Variants in RBFOX1 observed in about 807,000 individuals in gnomAD.
The protein encoded by RBFOX1 is RNA binding protein fox-1 homolog 1.
A neutral mutation model predicts 57.7 loss-of-function variants in RBFOX1; 8 were observed. That is an observed-to-expected ratio of 0.14 (90% CI 0.08 to 0.25). RBFOX1 has a LOEUF of 0.25. RBFOX1 is among the 10% of genes least tolerant of loss of function. The probability of loss-of-function intolerance (pLI) is 1.00; values close to 1 mark genes in which losing one functional copy is unlikely to be tolerated. For missense variants in RBFOX1, 611 were observed against 548.5 expected (o/e 1.11, Z -1.14); for synonymous variants, 326 against 222.4 (o/e 1.47, Z -4.15).
At chr16:7,174,435 T>C (rs141679052) in intron 4 of RBFOX1, among the ~76,000 whole-genome samples, 9 of 152,256 alleles carry the variant, frequency 5.9e-5, no homozygotes, top group African/African-American at 2.2e-4. Flanking sequence ...TGGGTAGATA[T>C]TTAGGAGTGG....
chr16:7,493,390 C>T (rs78016282), intron 4 of RBFOX1, among the ~76,000 whole-genome samples: 197 of 152,288 alleles, frequency 1.3e-3, no homozygotes, highest in African/African-American at 4.5e-3. Flanking sequence ...GACTCAGTAA[C>T]GCCCACAAAT....
intron 2 of RBFOX1, among the ~76,000 whole-genome samples, chr16:6,613,618 C>T (rs7202113): frequency 0.032 from 4,800 of 151,988 alleles, 256 homozygotes; most frequent in African/African-American, 0.11. Context: ...TGAAGATGCC[C>T]ATGTTTTATT....
intron 10 of RBFOX1, among the ~76,000 whole-genome samples, chr16:7,621,966 A>T (rs2059383357): frequency 6.6e-6 from 1 of 152,214 alleles, no homozygotes; most frequent in Non-Finnish European, 1.5e-5. Context: ...TACTTATTAG[A>T]TACTGAAACT....
At chr16:7,701,424 C>CTACTGTA (rs1393764484) in intron 14 of RBFOX1, among the ~76,000 whole-genome samples, 1 of 152,162 alleles carries the variant, frequency 6.6e-6, no homozygotes, top group Non-Finnish European at 1.5e-5. Context: ...AGCACCAACC[C>CTACTGTA]TACTGTAAAC....
chr16:7,551,690 G>A (rs73484502), intron 5 of RBFOX1, among the ~76,000 whole-genome samples: 3 of 152,314 alleles, frequency 2.0e-5, no homozygotes, highest in African/African-American at 7.2e-5. Flanking sequence ...CATGCAGGAA[G>A]CTGCTGGAAT....
intron 4 of RBFOX1, among the ~76,000 whole-genome samples, chr16:7,076,042 T>A (rs1359214951): frequency 1.3e-5 from 2 of 150,812 alleles, no homozygotes; most frequent in African/African-American, 2.5e-5. Context: ...TTGGGCTTTT[T>A]TTTTTTTTCT....
intron 2 of RBFOX1, among the ~76,000 whole-genome samples, chr16:6,487,163 T>C (rs1276614786): frequency 6.6e-6 from 1 of 151,792 alleles, no homozygotes; most frequent in Non-Finnish European, 1.5e-5. Flanking sequence ...TGTGTGTGTG[T>C]GTGTGTGTGT....
rs533447710 is a variant in RBFOX1, at chr16:6,969,859, C to T, written c.-15-82198C>T. On this transcript the variant is annotated intron_variant, in intron 3 of 15. Coordinates refer to ENST00000550418, the MANE Select transcript of RBFOX1 (RefSeq NM_018723.4). ...TTCTGAGTGTCAGCCATGTGTGAAC[C>T]ATTGTACTAATTGATGGGTATGCAA... Among the ~76,000 whole-genome samples the T allele has an allele frequency of 2.6e-5, 4 of 152,264 alleles. No homozygotes were observed. The South Asian group carries it at 6.2e-4, about 24-fold the overall frequency.
intron 3 of RBFOX1, among the ~76,000 whole-genome samples, chr16:5,863,228 C>A (rs183985990): frequency 6.6e-6 from 1 of 152,114 alleles, no homozygotes; most frequent in Non-Finnish European, 1.5e-5. Context: ...GCAGAGAAAC[C>A]GAAGGAGAGG....
At chr16:6,074,347 C>T (rs2095871345) in intron 1 of RBFOX1, among the ~76,000 whole-genome samples, 2 of 152,094 alleles carry the variant, frequency 1.3e-5, no homozygotes, top group Non-Finnish European at 2.9e-5. Context: ...AATTCCAGCA[C>T]AAACATTTCA....
At chr16:7,226,987 C>T (rs2093165227) in intron 4 of RBFOX1, among the ~76,000 whole-genome samples, 1 of 152,158 alleles carries the variant, frequency 6.6e-6, no homozygotes, top group South Asian at 2.1e-4. Flanking sequence ...TTGTCTTCAT[C>T]TCTCCAGGAT....
chr16:7,368,215 C>G (rs2097498601), intron 4 of RBFOX1, among the ~76,000 whole-genome samples: 1 of 148,134 alleles, frequency 6.8e-6, no homozygotes, highest in South Asian at 2.2e-4. Flanking sequence ...TGCAATAAGC[C>G]AAGATCCTGC....
chr16:5,834,606 A>ATATG (rs2151833823), intron 3 of RBFOX1, among the ~76,000 whole-genome samples: 1 of 143,732 alleles, frequency 7.0e-6, no homozygotes, highest in South Asian at 2.1e-4. Flanking sequence ...AGATAGATAG[A>ATATG]TAGATAGATA....
intron 4 of RBFOX1, among the ~76,000 whole-genome samples, chr16:7,396,117 G>C (rs2098134811): frequency 2.0e-5 from 3 of 152,168 alleles, no homozygotes; most frequent in South Asian, 2.1e-4. Context: ...GGGGATTGAG[G>C]GCTGTTCTTT....
Position 5,908,260 on chromosome 16 carries a change from A to G in RBFOX1, c.351+40925A>G, listed in dbSNP as rs536762159. On this transcript the variant is annotated intron_variant, in intron 4 of 19. Transcript: ENST00000641259. ...TATACATATACATACACACACATAT[A>G]TACACATATATATACATACATATAT... 8.7e-5 allele frequency among the ~76,000 whole-genome samples: 13 copies of G among 149,264 alleles called. No homozygotes were observed. The South Asian group carries it at 2.7e-3, about 31-fold the overall frequency.
chr16:6,581,919 T>G (rs1319936668), intron 2 of RBFOX1, among the ~76,000 whole-genome samples: 4 of 152,240 alleles, frequency 2.6e-5, no homozygotes, highest in African/African-American at 9.6e-5. Flanking sequence ...GGCATTCATA[T>G]AAACCAATCG....
chr16:7,316,384 C>G (rs1205400623), intron 4 of RBFOX1, among the ~76,000 whole-genome samples: 4 of 152,204 alleles, frequency 2.6e-5, no homozygotes, highest in African/African-American at 9.6e-5. Context: ...CTGGTCATCT[C>G]TTGCAAGGCA....
At chr16:7,280,680 G>C (rs2141137044) in intron 4 of RBFOX1, among the ~76,000 whole-genome samples, 1 of 152,222 alleles carries the variant, frequency 6.6e-6, no homozygotes, top group Middle Eastern at 3.4e-3. Flanking sequence ...TTCTCAAGAG[G>C]GGCCCTGCTG....
At chr16:7,510,339 T>A in intron 4 of RBFOX1, 1 of 985,652 alleles carries the variant, frequency 1.0e-6, no homozygotes, top group Non-Finnish European at 1.2e-6. Context: ...TTCCATTTAA[T>A]CTTTCACTCA....
Sources: gnomAD v4.1 joint callset for allele counts (sites outside exome capture counted in the v4.1 genomes callset) on GRCh38, gnomAD v4.1.1 for gene constraint, MANE v1.5 for transcripts, NCBI Gene and HGNC (gene_info 2026-07-23, HGNC 2026-07-21) for gene names.